TRPC7: variants seen among roughly 807,000 people sequenced by gnomAD.
TRPC7 encodes short transient receptor potential channel 7.
A neutral mutation model predicts 90.1 loss-of-function variants in TRPC7; 42 were observed. The observed-to-expected ratio is 0.47, with a 90% CI of 0.36 to 0.60. TRPC7 has a LOEUF of 0.60. Among genes scored for constraint, TRPC7 ranks in the 20% least tolerant of loss-of-function variants. The pLI, the probability that TRPC7 is intolerant of heterozygous loss-of-function variation, is 0.00. For missense variants in TRPC7, 955 were observed against 1,112.3 expected, an observed-to-expected ratio of 0.86 and a Z score of 2.01; for synonymous variants, 451 against 436.3, an observed-to-expected ratio of 1.03 and a Z score of -0.42.
intron 3 of TRPC7, among the ~76,000 whole-genome samples, chr5:136,295,511 ATAGTCCCCAGTGCCCCCAG>A (rs1758137431): frequency 1.3e-5 from 2 of 151,882 alleles, no homozygotes; most frequent in South Asian, 4.2e-4. Flanking sequence ...CTTAGCCCCA[ATAGTCCCCAGTGCCCCCAG>A]TAGTCCCCAG....
intron 2 of TRPC7, among the ~76,000 whole-genome samples, chr5:136,333,353 A>G (rs1181642511): frequency 6.6e-6 from 1 of 152,224 alleles, no homozygotes; most frequent in African/African-American, 2.4e-5. Context: ...GCACAGAGGC[A>G]CAAAAACATG....
intron 3 of TRPC7, among the ~76,000 whole-genome samples, chr5:136,287,566 G>C (rs572401919): frequency 6.6e-6 from 1 of 151,984 alleles, no homozygotes; most frequent in South Asian, 2.1e-4. Context: ...GAGGGCCCTA[G>C]CACCAGCCTG....
chr5:136,292,749 G>A (rs1366998907), intron 3 of TRPC7, among the ~76,000 whole-genome samples: 1 of 151,902 alleles, frequency 6.6e-6, no homozygotes, highest in South Asian at 2.1e-4. Context: ...TTCTGAAACT[G>A]TTCCAATCAA....
intron 2 of TRPC7, chr5:136,316,248 T>C (rs1759023991): frequency 6.4e-6 from 1 of 156,822 alleles, no homozygotes; most frequent in African/African-American, 2.4e-5. Flanking sequence ...GACATGAACT[T>C]TTAGGGCTGA....
intron 3 of TRPC7, among the ~76,000 whole-genome samples, chr5:136,301,022 T>G (rs1009233326): frequency 6.6e-6 from 1 of 152,174 alleles, no homozygotes; most frequent in Non-Finnish European, 1.5e-5. Context: ...TCTGTGGATG[T>G]GGTCCAGGCA....
rs1368051527 is a variant in TRPC7, at chr5:136,357,365, T to C, written c.23A>G (p.Lys8Arg). 3 of 1,599,538 alleles carry C rather than the reference T, an allele frequency of 1.9e-6. No individual in the cohort carries two copies. The highest frequency in any genetic ancestry group is 2.5e-6 in the Non-Finnish European group (3 of 1,179,008). Residue 8 changes from lysine (K) to arginine (R), a missense_variant, in exon 2 of 12, where the codon AAA becomes AGA. By Grantham distance (26) the Lys-to-Arg change is conservative. This residue lies in a region of TRPC7 where 161 missense variants were observed against 145.7 expected (regional missense o/e 1.10). Transcript: ENST00000513104. ...CGTTGTGTGCCGGCGCTGCATGTTT[T>C]TGAAGGTGCTGTTCCTCAACCTATG... Reference protein sequence around the residue: MLRNSTFKNMQRRHTTLR... With the variant: MLRNSTFRNMQRRHTTLR...
chr5:136,258,293 T>G (rs567886158), intron 5 of TRPC7, among the ~76,000 whole-genome samples: 1 of 152,282 alleles, frequency 6.6e-6, no homozygotes, highest in South Asian at 2.1e-4. Context: ...GCAGCAGGAA[T>G]GCTTAATGAA....
intron 7 of TRPC7, among the ~76,000 whole-genome samples, chr5:136,238,783 G>A (rs1756070965): frequency 6.6e-6 from 1 of 152,132 alleles, no homozygotes; most frequent in Non-Finnish European, 1.5e-5. Flanking sequence ...GGGCTCACAG[G>A]TCCCAGGCTT....
chr5:136,323,221 A>G (rs1038454069), intron 2 of TRPC7, among the ~76,000 whole-genome samples: 3 of 152,064 alleles, frequency 2.0e-5, no homozygotes, highest in Non-Finnish European at 4.4e-5. Context: ...CGTGCCTTTC[A>G]CCTTTGGCCA....
At chr5:136,270,840 GA>G (rs1757187478) in intron 4 of TRPC7, among the ~76,000 whole-genome samples, 1 of 152,180 alleles carries the variant, frequency 6.6e-6, no homozygotes, top group South Asian at 2.1e-4. Flanking sequence ...TTGGACTTGG[GA>G]ACAGAAGCAT....
intron 7 of TRPC7, among the ~76,000 whole-genome samples, chr5:136,245,597 G>A (rs1269977302): frequency 6.6e-6 from 1 of 152,132 alleles, no homozygotes; most frequent in Admixed American, 6.5e-5. Flanking sequence ...AGGGCTTCCT[G>A]GGGACAAGTG....
chr5:136,357,506 A>G (rs542197064), intron 1 of TRPC7, 121 bp from the exon 2 acceptor site: 23 of 1,026,980 alleles, frequency 2.2e-5, no homozygotes, highest in South Asian at 8.7e-5. Flanking sequence ...GAATTGTGCA[A>G]TCTTACAAAT....
rs1438368370 is a variant in TRPC7, at chr5:136,365,460, T to G, written c.-206A>C. On this transcript the variant is annotated 5_prime_UTR_variant, in exon 1 of 12. Transcript: ENST00000513104. The stretch of plus-strand genomic sequence containing the variant: ...GTGTTGCAGTGGTAAAAACTCGCCT[T>G]CCGAGGCAGAACCGTGTTACCGTCC... 6.7e-6 allele frequency: 4 copies of G among 596,014 alleles called. No individual in the cohort carries two copies. The Admixed American group carries it at 8.7e-5, about 13-fold the overall frequency. The allele number at this position is 596,014 out of a possible 1,614,324, so 36.9% of individuals were successfully genotyped here. A position where few individuals can be genotyped will look rare whatever the true frequency, so the allele number is the denominator to read the frequency against.
intron 3 of TRPC7, among the ~76,000 whole-genome samples, chr5:136,306,221 G>A (rs1452363507): frequency 6.6e-6 from 1 of 152,154 alleles, no homozygotes; most frequent in Non-Finnish European, 1.5e-5. Context: ...GCAGGACTAT[G>A]CTGAATCTCC....
Position 136,334,400 on chromosome 5 carries a change from A to G in TRPC7, c.781-18621T>C, listed in dbSNP as rs567604707. On this transcript the variant is annotated intron_variant, in intron 2 of 11. Coordinates refer to ENST00000513104, the MANE Select transcript of TRPC7 (RefSeq NM_020389.3). Reference sequence around the variant, plus strand: ...AAATGTAGATCCCTGCTAACAAAAAATACAAATCAAGTTAGGCAAATCAGT... The same window carrying G: ...AAATGTAGATCCCTGCTAACAAAAAGTACAAATCAAGTTAGGCAAATCAGT... 3.3e-5 allele frequency among the ~76,000 whole-genome samples: 5 copies of G among 152,386 alleles called. No homozygotes were observed. In the East Asian group the frequency reaches 9.6e-4, roughly 29 times the overall value.
intron 2 of TRPC7, among the ~76,000 whole-genome samples, chr5:136,347,014 A>G (rs756658822): frequency 6.6e-6 from 1 of 152,186 alleles, no homozygotes; most frequent in Non-Finnish European, 1.5e-5. Flanking sequence ...CACAGCAAGA[A>G]TCCTACTGCA....
intron 3 of TRPC7, among the ~76,000 whole-genome samples, chr5:136,289,861 C>A (rs1031343426): frequency 2.0e-5 from 3 of 152,226 alleles, no homozygotes; most frequent in African/African-American, 7.2e-5. Flanking sequence ...GGGTCCCTAA[C>A]CCCCGAGTAG....
chr5:136,278,063 G>A (rs886989548), intron 3 of TRPC7, among the ~76,000 whole-genome samples: 4 of 152,368 alleles, frequency 2.6e-5, no homozygotes, highest in Middle Eastern at 3.4e-3. Flanking sequence ...CTGGGTGAGG[G>A]AGGGACTGGA....
chr5:136,315,194 A>G (rs1171013869), intron 3 of TRPC7, among the ~76,000 whole-genome samples: 2 of 152,250 alleles, frequency 1.3e-5, no homozygotes, highest in African/African-American at 4.8e-5. Context: ...CCTCAGGCAC[A>G]CAGAGGAAGC....
Sources: gnomAD v4.1 joint callset for allele counts (sites outside exome capture counted in the v4.1 genomes callset) on GRCh38, gnomAD v4.1.1 for gene constraint, gnomAD v4.1.1 regional missense constraint, MANE v1.5 for transcripts, NCBI Gene and HGNC (gene_info 2026-07-23, HGNC 2026-07-21) for gene names.